TAOK3: variants seen among roughly 807,000 people sequenced by gnomAD.
The protein encoded by TAOK3 is TAO kinase 3.
A neutral mutation model predicts 120.4 loss-of-function variants in TAOK3; 40 were observed. The observed-to-expected ratio is 0.33, with a 90% CI of 0.26 to 0.43. The LOEUF is 0.43. Among genes scored for constraint, TAOK3 ranks in the 20% least tolerant of loss-of-function variants. The pLI is 1.00. For missense variants in TAOK3, 821 were observed against 1,112.1 expected, an observed-to-expected ratio of 0.74 and a Z score of 3.72; for synonymous variants, 355 against 387.5, an observed-to-expected ratio of 0.92 and a Z score of 0.99.
chr12:118,203,389 T>C (rs994672058), intron 11 of TAOK3, among the ~76,000 whole-genome samples: 5 of 152,084 alleles, frequency 3.3e-5, no homozygotes, highest in Non-Finnish European at 5.9e-5. Flanking sequence ...TCTCAGCCCA[T>C]AGCAGGTTAG....
intron 17 of TAOK3, among the ~76,000 whole-genome samples, chr12:118,162,740 C>A (rs985558995): frequency 6.6e-6 from 1 of 152,020 alleles, no homozygotes; most frequent in Admixed American, 6.6e-5. Context: ...TAGATCTAAT[C>A]ACTCTGTTCT....
At chr12:118,181,653 A>G in intron 14 of TAOK3, 46 bp from the exon 15 acceptor site, 1 of 1,554,992 alleles carries the variant, frequency 6.4e-7, no homozygotes, top group Non-Finnish European at 8.9e-7. Context: ...GGTTCATGGG[A>G]GACAAGCTTT....
intron 1 of TAOK3, among the ~76,000 whole-genome samples, chr12:118,352,339 A>G (rs1355499275): frequency 6.6e-6 from 1 of 151,798 alleles, no homozygotes; most frequent in Non-Finnish European, 1.5e-5. Context: ...CCCTGTCTCT[A>G]CTAAAAATAC....
intron 8 of TAOK3, 130 bp from the exon 9 acceptor site, chr12:118,233,895 C>A: frequency 1.6e-6 from 1 of 638,426 alleles, no homozygotes; most frequent in Non-Finnish European, 2.7e-6. Context: ...TATTTCCTTA[C>A]ACAAATAATT....
rs146047885 is a variant in TAOK3, at chr12:118,162,615, G to A, written c.1900-588C>T. Among the ~76,000 whole-genome samples, 142 of 152,142 alleles carry A rather than the reference G, an allele frequency of 9.3e-4. 3 individuals are homozygous for A. The East Asian group carries it at 0.026, about 27-fold the overall frequency. On this transcript the variant is annotated intron_variant, in intron 17 of 20. Transcript: ENST00000392533. ...ATACTCTGTTTTTGCATGAATCAGA[G>A]GTAGGCCAATTGTCTATTTTTTAAA...
intron 17 of TAOK3, 78 bp from the exon 18 acceptor site, chr12:118,162,105 G>C: frequency 1.3e-6 from 2 of 1,561,442 alleles, no homozygotes; most frequent in Non-Finnish European, 8.7e-7. Flanking sequence ...AAGTGAGGGA[G>C]GGCAAGGAAT....
At chr12:118,219,243 G>C (rs760681035) in intron 9 of TAOK3, among the ~76,000 whole-genome samples, 6 of 151,944 alleles carry the variant, frequency 3.9e-5, no homozygotes, top group Admixed American at 6.6e-5. Context: ...AACTTTATCT[G>C]GGTACATCTT....
chr12:118,186,308 T>G (rs533131303), intron 14 of TAOK3, among the ~76,000 whole-genome samples: 1 of 152,298 alleles, frequency 6.6e-6, no homozygotes, highest in East Asian at 1.9e-4. Context: ...GAACACACAT[T>G]AGGAAGAGGG....
At chr12:118,357,411 C>T (rs546900308) in intron 1 of TAOK3, among the ~76,000 whole-genome samples, 1 of 152,274 alleles carries the variant, frequency 6.6e-6, no homozygotes, top group South Asian at 2.1e-4. Flanking sequence ...TCTGCTAACA[C>T]GTGGCTTTCC....
intron 1 of TAOK3, among the ~76,000 whole-genome samples, chr12:118,308,605 T>A (rs1012958164): frequency 1.3e-5 from 2 of 152,054 alleles, no homozygotes; most frequent in African/African-American, 4.8e-5. Context: ...TGCCCAAAAA[T>A]GGTCTTGGGA....
At chr12:118,317,929 C>A (rs1405196921) in intron 1 of TAOK3, among the ~76,000 whole-genome samples, 5 of 151,968 alleles carry the variant, frequency 3.3e-5, no homozygotes, top group African/African-American at 4.8e-5. Flanking sequence ...CATATATAGA[C>A]CAATGGAATA....
At chr12:118,217,272 A>G (rs769176000) in intron 9 of TAOK3, among the ~76,000 whole-genome samples, 1 of 152,226 alleles carries the variant, frequency 6.6e-6, no homozygotes, top group Non-Finnish European at 1.5e-5. Flanking sequence ...ACAAGGTTGA[A>G]AAGTAGTAAA....
intron 1 of TAOK3, among the ~76,000 whole-genome samples, chr12:118,366,817 T>G (rs995369962): frequency 4.6e-5 from 7 of 152,182 alleles, no homozygotes; most frequent in African/African-American, 1.2e-4. Flanking sequence ...AGGCCAGGCA[T>G]GGTGGCTCAC....
intron 1 of TAOK3, among the ~76,000 whole-genome samples, chr12:118,296,676 TTGATATA>T (rs2042692804): frequency 6.6e-6 from 1 of 152,220 alleles, no homozygotes; most frequent in African/African-American, 2.4e-5. Context: ...TGACATTTAA[TTGATATA>T]TGTGCATTCT....
At position 118,199,267 on chromosome 12, in the gene TAOK3, T is replaced by A. The variant is rs1226804733; in HGVS notation, c.988-10A>T. On this transcript the variant is annotated splice_polypyrimidine_tract_variant and intron_variant, in intron 12 of 20. Coordinates refer to ENST00000392533, the MANE Select transcript of TAOK3 (RefSeq NM_016281.4). ...TTCCATGTTCACTGTCCTGTAAAAATGGGGCACTGAGGTTAGAAAAAAAGA... is the reference window on the plus strand; with the variant it reads ...TTCCATGTTCACTGTCCTGTAAAAAAGGGGCACTGAGGTTAGAAAAAAAGA... The A allele has an allele frequency of 6.2e-7, 1 of 1,603,134 alleles. No individual in the cohort carries two copies. The highest frequency in any genetic ancestry group is 1.1e-5 in the South Asian group (1 of 90,854).
chr12:118,368,632 A>C (rs2045810267), intron 1 of TAOK3, among the ~76,000 whole-genome samples: 1 of 149,790 alleles, frequency 6.7e-6, no homozygotes, highest in Non-Finnish European at 1.5e-5. Context: ...GTGGTGAAAA[A>C]CCGCTTCTAA....
chr12:118,171,912 G>A (rs1032565770), intron 17 of TAOK3, among the ~76,000 whole-genome samples: 4 of 152,132 alleles, frequency 2.6e-5, no homozygotes. Flanking sequence ...TTATTTCTAT[G>A]TCTAATATGT....
chr12:118,151,528 A>G (rs1011521508), intron 20 of TAOK3, among the ~76,000 whole-genome samples: 1 of 152,204 alleles, frequency 6.6e-6, no homozygotes. Flanking sequence ...ACACTCAAGC[A>G]CAATTGGATT....
At chr12:118,297,168 G>A (rs1432767908) in intron 1 of TAOK3, 2 of 152,094 alleles carry the variant, frequency 1.3e-5, no homozygotes, top group Non-Finnish European at 2.9e-5. Flanking sequence ...GTTGCCCTGA[G>A]AATTAGAATG....
Sources: allele counts gnomAD v4.1 joint callset (sites outside exome capture counted in the v4.1 genomes callset), GRCh38; gene constraint gnomAD v4.1.1; transcripts MANE v1.5; gene names NCBI Gene and HGNC (gene_info 2026-07-23, HGNC 2026-07-21).